Variants in ARHGEF11 observed in about 807,000 individuals in gnomAD.
ARHGEF11 encodes Rho guanine nucleotide exchange factor 11.
ARHGEF11 carries 55 observed loss-of-function variants against 193.7 expected under a neutral mutation model. The ratio of observed to expected loss-of-function variants is 0.28; its 90% CI spans 0.23 to 0.36. The LOEUF (loss-of-function observed/expected upper bound fraction) is 0.36. ARHGEF11 is among the 10% of genes least tolerant of loss of function. The pLI, the probability that ARHGEF11 is intolerant of heterozygous loss-of-function variation, is 1.00. For missense variants in ARHGEF11, 1,723 were observed against 2,005.6 expected, an observed-to-expected ratio of 0.86 and a Z score of 2.69; for synonymous variants, 693 against 768.0, an observed-to-expected ratio of 0.90 and a Z score of 1.62.
intron 1 of ARHGEF11, among the ~76,000 whole-genome samples, chr1:157,023,475 C>T (rs1029504712): frequency 2.0e-5 from 3 of 152,064 alleles, no homozygotes; most frequent in African/African-American, 7.2e-5. Flanking sequence ...AATAAAATGA[C>T]AGATAATAGG....
intron 35 of ARHGEF11, 69 bp downstream of exon 35, chr1:156,941,303 C>A: frequency 6.6e-7 from 1 of 1,520,312 alleles, no homozygotes; most frequent in South Asian, 1.1e-5. Flanking sequence ...CGCCCCCATA[C>A]TCACACCCAA....
chr1:157,034,034 A>C (rs1671614649), intron 1 of ARHGEF11, among the ~76,000 whole-genome samples: 1 of 152,192 alleles, frequency 6.6e-6, no homozygotes, highest in African/African-American at 2.4e-5. Context: ...AGATTTGTTA[A>C]ACAGACCAAG....
intron 1 of ARHGEF11, among the ~76,000 whole-genome samples, chr1:157,014,445 T>C (rs1224602939): frequency 6.6e-6 from 1 of 152,158 alleles, no homozygotes; most frequent in Non-Finnish European, 1.5e-5. Flanking sequence ...TCTTGCTCTG[T>C]TGTCCAGGCT....
intron 7 of ARHGEF11, among the ~76,000 whole-genome samples, chr1:156,975,744 C>G (rs1489078690): frequency 1.3e-5 from 2 of 152,146 alleles, no homozygotes; most frequent in Non-Finnish European, 2.9e-5. Context: ...ATTTTGTTTA[C>G]TGTATGAGGT....
intron 21 of ARHGEF11, among the ~76,000 whole-genome samples, chr1:156,953,427 A>C (rs1659411384): frequency 6.6e-6 from 1 of 152,156 alleles, no homozygotes. Flanking sequence ...AACAGGGCGA[A>C]ACCCTGTCTC....
chr1:157,020,289 G>A (rs1669815402), intron 1 of ARHGEF11, among the ~76,000 whole-genome samples: 1 of 152,020 alleles, frequency 6.6e-6, no homozygotes, highest in Admixed American at 6.5e-5. Flanking sequence ...CACATTTATT[G>A]TACATCAAAT....
rs1434965898 is a variant in ARHGEF11 at position 156,958,794 on chromosome 1, G to A, written c.1450C>T (p.Leu484Phe). The A allele has an allele frequency of 6.2e-7, 1 of 1,614,102 alleles. No individual in the cohort carries two copies. The highest frequency in any genetic ancestry group is 1.3e-5 in the African/African-American group (1 of 74,946). Residue 484 changes from leucine (L) to phenylalanine (F), a missense_variant, in exon 17 of 41, where the codon CTC (leucine) becomes TTC (phenylalanine). By Grantham distance (22) the Leu-to-Phe change is conservative. Around this residue, in one of 5 missense-constraint regions of ARHGEF11, gnomAD observed 646 missense variants for 710.7 expected, o/e 0.91. Transcript: ENST00000368194. ...NDLLDLDGDP[L>F]RERQVAEKQL... ...TTCTCAGCCACTTGGCGCTCTCGGA[G>A]AGGGTCCCCATCCAGGTCCAGCAGG...
In ARHGEF11 at chr1:156,938,401, A is replaced by G; in HGVS notation, c.4192+17T>C. 1 of 1,610,568 alleles carries G rather than the reference A, an allele frequency of 6.2e-7. No individual in the cohort carries two copies. The highest frequency in any genetic ancestry group is 1.7e-5 in the Admixed American group (1 of 59,856). ...CCAGTCTTGGCCTGTCTTTAGCTCC[A>G]AGGAGAAAGTTATTACCCGTAGCCT... On this transcript the variant is annotated intron_variant, in intron 38 of 40. Transcript: ENST00000368194.
At chr1:156,976,864 TGAGG>T in intron 7 of ARHGEF11, 115 bp downstream of exon 7, 1 of 894,648 alleles carries the variant, frequency 1.1e-6, no homozygotes, top group Admixed American at 2.2e-5. Flanking sequence ...TTTTATTTTT[TGAGG>T]TTTTACTGTG....
chr1:157,045,371 T>C lies in ARHGEF11; in HGVS notation c.-1041A>G. The C allele has an allele frequency of 6.6e-6, 1 of 152,402 alleles. No homozygotes were observed. 9.4% of individuals were successfully genotyped at this position (152,402 alleles called of 1,614,324 possible). A position where few individuals can be genotyped will look rare whatever the true frequency, so the allele number is the denominator to read the frequency against. On this transcript the variant is annotated 5_prime_UTR_variant, in exon 1 of 41. Transcript: ENST00000368194. ...GCCTCCATGAAACGGAGATTTCGCT[T>C]CCTCCCGTTCCCCCTTCTCTCTCCC...
chr1:156,964,916 AT>A (rs1334416483), intron 11 of ARHGEF11, among the ~76,000 whole-genome samples: 1 of 151,928 alleles, frequency 6.6e-6, no homozygotes, highest in African/African-American at 2.4e-5. Context: ...TACGGGGAGG[AT>A]TTTTTTTAAA....
intron 1 of ARHGEF11, among the ~76,000 whole-genome samples, chr1:157,008,185 C>T (rs1668084905): frequency 6.6e-6 from 1 of 152,126 alleles, no homozygotes; most frequent in Non-Finnish European, 1.5e-5. Context: ...TCTCAACACT[C>T]TCATTTCACA....
intron 1 of ARHGEF11, among the ~76,000 whole-genome samples, chr1:156,995,361 T>C (rs1410488319): frequency 2.6e-5 from 4 of 152,204 alleles, no homozygotes; most frequent in African/African-American, 7.2e-5. Flanking sequence ...TCTCACTCAC[T>C]GTATTTCAAC....
intron 36 of ARHGEF11, 21 bp downstream of exon 36, chr1:156,940,186 G>C: frequency 6.5e-7 from 1 of 1,549,246 alleles, no homozygotes; most frequent in Non-Finnish European, 8.7e-7. Flanking sequence ...GGGGCTGACG[G>C]CAGGGCCTTG....
intron 1 of ARHGEF11, among the ~76,000 whole-genome samples, chr1:156,999,809 TCAC>T (rs1666988668): frequency 6.6e-6 from 1 of 152,288 alleles, no homozygotes; most frequent in East Asian, 1.9e-4. Flanking sequence ...GGTTTCCTCC[TCAC>T]CACATCGTAG....
At chr1:156,972,056 C>T (rs1467035033) in intron 7 of ARHGEF11, among the ~76,000 whole-genome samples, 2 of 152,214 alleles carry the variant, frequency 1.3e-5, no homozygotes, top group Non-Finnish European at 2.9e-5. Flanking sequence ...ACACAAAGGC[C>T]TGTCCTAATC....
At chr1:156,964,256 A>C (rs1223587697) in intron 11 of ARHGEF11, among the ~76,000 whole-genome samples, 1 of 152,222 alleles carries the variant, frequency 6.6e-6, no homozygotes, top group Non-Finnish European at 1.5e-5. Context: ...CGCTAATTTA[A>C]ATAAAAACCT....
intron 15 of ARHGEF11, among the ~76,000 whole-genome samples, chr1:156,959,926 CCCCCCT>C (rs1256254382): frequency 9.3e-4 from 43 of 46,054 alleles, no homozygotes; most frequent in African/African-American, 2.7e-3. Flanking sequence ...CAAAAATAAC[CCCCCCT>C]CCCCCCCCCC....
Position 156,963,232 on chromosome 1 carries a change from T to G in ARHGEF11, c.1111A>C (p.Ile371Leu). ...PAHLGVFLRY[I>L]FSQADPSPLL... ...GGACTGGGGTCCGCCTGAGAGAAGA[T>G]GTAACGTAGAAAAACCCCCAGGTGA... Residue 371 changes from isoleucine (I) to leucine (L), a missense_variant, in exon 13 of 41, where the codon ATC (isoleucine) becomes CTC (leucine). Physicochemically the swap from Ile to Leu is conservative, Grantham distance 5. Transcript: ENST00000368194. 1 of 1,614,092 alleles carries G rather than the reference T, an allele frequency of 6.2e-7. No homozygotes were observed. Among genetic ancestry groups the G allele is most frequent in the Non-Finnish European group, 8.5e-7 (1 of 1,179,994 alleles).
Sources: gnomAD v4.1 joint callset for allele counts (sites outside exome capture counted in the v4.1 genomes callset) on GRCh38, gnomAD v4.1.1 for gene constraint, gnomAD v4.1.1 regional missense constraint, MANE v1.5 for transcripts, NCBI Gene and HGNC (gene_info 2026-07-23, HGNC 2026-07-21) for gene names.